The following SETD3 variants were observed in gnomAD, a reference collection of about 807,000 sequenced individuals.
SETD3 encodes the protein actin-histidine N-methyltransferase.
Under a neutral mutation model 63.0 loss-of-function variants are expected in SETD3, and 19 were observed. That is an observed-to-expected ratio of 0.30 (90% CI 0.21 to 0.44). The LOEUF (loss-of-function observed/expected upper bound fraction) is 0.44. Among genes scored for constraint, SETD3 ranks in the 20% least tolerant of loss-of-function variants. The probability of loss-of-function intolerance (pLI) is 1.00; values close to 1 mark genes in which losing one functional copy is unlikely to be tolerated. For synonymous variants in SETD3, 286 were observed against 264.1 expected (o/e 1.08, Z -0.80); for missense variants, 587 against 728.5 (o/e 0.81, Z 2.24).
chr14:99,457,718 A>G (rs751593418), intron 6 of SETD3, among the ~76,000 whole-genome samples: 23 of 152,356 alleles, frequency 1.5e-4, no homozygotes, highest in African/African-American at 4.1e-4. Context: ...CAAATGAAAG[A>G]TAACGGTGGC....
rs749672451 is a variant in SETD3 at position 99,399,156 on chromosome 14, A to T, written c.1339-31T>A. The T allele has an allele frequency of 4.4e-6, 7 of 1,599,210 alleles. No homozygotes were observed. In the South Asian group the frequency reaches 6.7e-5, roughly 15 times the overall value. On this transcript the variant is annotated intron_variant, in intron 12 of 12. Coordinates refer to ENST00000331768, the MANE Select transcript of SETD3 (RefSeq NM_032233.3). ...AAACAAGAGCAAAATTAATTACAAG[A>T]AGTCTAAACCAGCAAAACTATAGAG...
At chr14:99,452,974 GC>G (rs1470826595) in intron 6 of SETD3, among the ~76,000 whole-genome samples, 3 of 152,200 alleles carry the variant, frequency 2.0e-5, no homozygotes, top group Non-Finnish European at 4.4e-5. Context: ...GGAGCACCCT[GC>G]CAAATGATCT....
intron 6 of SETD3, among the ~76,000 whole-genome samples, chr14:99,428,999 C>G (rs1172190435): frequency 1.3e-5 from 2 of 151,766 alleles, no homozygotes; most frequent in Non-Finnish European, 2.9e-5. Context: ...CTCTAAGCAG[C>G]AAAGAAAAAA....
At chr14:99,438,443 A>G (rs1383384520) in intron 6 of SETD3, among the ~76,000 whole-genome samples, 1 of 152,252 alleles carries the variant, frequency 6.6e-6, no homozygotes, top group Non-Finnish European at 1.5e-5. Flanking sequence ...ACAAGTTAGA[A>G]TAAGCTAGGA....
At chr14:99,443,088 G>A (rs931249105) in intron 6 of SETD3, among the ~76,000 whole-genome samples, 3 of 152,100 alleles carry the variant, frequency 2.0e-5, no homozygotes, top group African/African-American at 7.2e-5. Context: ...GTTATTGTGA[G>A]GGCGAGCTGT....
At chr14:99,483,407 G>T (rs941721473), upstream of SETD3, among the ~76,000 whole-genome samples, 1 of 152,098 alleles carries the variant, frequency 6.6e-6, no homozygotes, top group Non-Finnish European at 1.5e-5. Context: ...CAAAAAATTA[G>T]CCAGATGTGG....
rs1595132748 is a variant in SETD3, at chr14:99,398,313, C to G, written c.*366G>C. The G allele has an allele frequency of 5.5e-6, 1 of 180,938 alleles. No individual in the cohort carries two copies. The highest frequency in any genetic ancestry group is 5.5e-5 in the Admixed American group (1 of 18,292). 11.2% of individuals were successfully genotyped at this position (180,938 alleles called of 1,614,324 possible). A position where few individuals can be genotyped will look rare whatever the true frequency, so the allele number is the denominator to read the frequency against. On this transcript the variant is annotated 3_prime_UTR_variant, in exon 13 of 13. Transcript: ENST00000331768. ...TCTGGCTGGCAGGAGGCAGAGCAAG[C>G]TTTCATTCTGGTCATCAAGATGACA...
intron 9 of SETD3, among the ~76,000 whole-genome samples, chr14:99,405,763 C>CT (rs988240459): frequency 1.3e-5 from 2 of 152,200 alleles, no homozygotes; most frequent in African/African-American, 4.8e-5. Context: ...TCTTCCTGTC[C>CT]TTTTAATACA....
chr14:99,457,970 T>C (rs113540967), intron 6 of SETD3, among the ~76,000 whole-genome samples: 10 of 152,364 alleles, frequency 6.6e-5, no homozygotes, highest in African/African-American at 2.4e-4. Flanking sequence ...TTGCATTAGA[T>C]ATGCTTTAAG....
rs1328342711 is a variant in SETD3 at position 99,465,740 on chromosome 14, T to C, written c.66A>G (p.Pro22=). 4.3e-6 allele frequency: 7 copies of C among 1,614,106 alleles called. No homozygotes were observed. Among genetic ancestry groups the C allele is most frequent in the Middle Eastern group, 1.7e-4 (1 of 6,060 alleles). The stretch of plus-strand genomic sequence containing the variant: ...CACTGGTCAGGTTCAAGATTTCCTT[T>C]GGTGACACAGTTGCTGTAGCACCAG... ...SGTGATATVS[P]KEILNLTSEL... The change falls in exon 2 of 13, where the codon CCA becomes CCG. Residue 22 remains proline, a synonymous_variant. Coordinates refer to ENST00000331768, the MANE Select transcript of SETD3 (RefSeq NM_032233.3).
In SETD3 at chr14:99,447,065, G is replaced by A. The variant is rs142088708; in HGVS notation, c.675+11214C>T. On this transcript the variant is annotated intron_variant, in intron 6 of 12. Coordinates refer to ENST00000331768, the MANE Select transcript of SETD3 (RefSeq NM_032233.3). ...CTGGCTCACTGCAACTCTGCCTCCC[G>A]GGTTCAAGCGATTCTCATGCCTCAG... 3.8e-3 allele frequency among the ~76,000 whole-genome samples: 583 copies of A among 152,046 alleles called. 3 individuals carry two copies. The highest frequency in any genetic ancestry group is 0.01 in the South Asian group (50 of 4,812).
intron 4 of SETD3, among the ~76,000 whole-genome samples, chr14:99,460,229 T>A (rs1018847826): frequency 1.3e-5 from 2 of 152,186 alleles, no homozygotes; most frequent in African/African-American, 4.8e-5. Context: ...TATACCAGCA[T>A]GTGATTTATC....
intron 6 of SETD3, among the ~76,000 whole-genome samples, chr14:99,440,226 C>A (rs1030140426): frequency 6.6e-6 from 1 of 152,132 alleles, no homozygotes; most frequent in Non-Finnish European, 1.5e-5. Flanking sequence ...ATGCTATGTT[C>A]TCTATTACTA....
At chr14:99,437,196 G>A (rs1893533088) in intron 6 of SETD3, among the ~76,000 whole-genome samples, 1 of 152,198 alleles carries the variant, frequency 6.6e-6, no homozygotes. Context: ...TTGTGTTAAT[G>A]TGGATCTTGG....
At chr14:99,455,885 C>G (rs116330415) in intron 6 of SETD3, among the ~76,000 whole-genome samples, 4 of 152,300 alleles carry the variant, frequency 2.6e-5, no homozygotes, top group African/African-American at 7.2e-5. Context: ...CTGAGCGAGG[C>G]GGTTCACGCC....
intron 4 of SETD3, among the ~76,000 whole-genome samples, chr14:99,459,959 A>C (rs1195551912): frequency 6.6e-6 from 1 of 151,976 alleles, no homozygotes; most frequent in Non-Finnish European, 1.5e-5. Flanking sequence ...CTCCTCCCCA[A>C]CCCTCGCCTC....
chr14:99,403,821 C>T (rs1422934088), intron 11 of SETD3, among the ~76,000 whole-genome samples: 2 of 152,188 alleles, frequency 1.3e-5, no homozygotes, highest in Admixed American at 1.3e-4. Flanking sequence ...CTACGGTCCA[C>T]GTATGCCACA....
chr14:99,400,492 T>C (rs1891331864), intron 11 of SETD3, among the ~76,000 whole-genome samples: 1 of 152,176 alleles, frequency 6.6e-6, no homozygotes, highest in African/African-American at 2.4e-5. Flanking sequence ...CAAGCCTTGG[T>C]AGCACTCCAG....
At chr14:99,414,855 G>A (rs552501794) in intron 6 of SETD3, among the ~76,000 whole-genome samples, 12 of 152,272 alleles carry the variant, frequency 7.9e-5, no homozygotes, top group South Asian at 2.1e-4. Flanking sequence ...TGCTGAAGCC[G>A]GGTCTCCGCA....
Sources: gnomAD v4.1 joint callset for allele counts (sites outside exome capture counted in the v4.1 genomes callset) on GRCh38, gnomAD v4.1.1 for gene constraint, MANE v1.5 for transcripts, NCBI Gene and HGNC (gene_info 2026-07-23, HGNC 2026-07-21) for gene names.